The following F13A1 variants were observed in gnomAD, a reference collection of about 807,000 sequenced individuals.
The protein encoded by F13A1 is FSF, A subunit.
F13A1 carries 47 observed loss-of-function variants against 80.1 expected under a neutral mutation model. The ratio of observed to expected loss-of-function variants is 0.59; its 90% CI spans 0.46 to 0.75. The LOEUF (loss-of-function observed/expected upper bound fraction) is 0.75, where lower values mean the gene tolerates loss of function less well. Among genes scored for constraint, F13A1 ranks in the 30% least tolerant of loss-of-function variants. The pLI, the probability that F13A1 is intolerant of heterozygous loss-of-function variation, is 0.00. For synonymous variants in F13A1, 349 were observed against 344.9 expected (o/e 1.01, Z -0.13); for missense variants, 817 against 930.4 (o/e 0.88, Z 1.59).
intron 8 of F13A1, among the ~76,000 whole-genome samples, chr6:6,220,361 G>A (rs966752173): frequency 6.6e-6 from 1 of 152,120 alleles, no homozygotes; most frequent in African/African-American, 2.4e-5. Flanking sequence ...TTTGGAGCAG[G>A]GACCTGAATG....
rs150455213 is a variant in F13A1 at position 6,182,042 on chromosome 6, G to C, written c.1405C>G (p.Gln469Glu). The change falls in exon 11 of 15, where the codon CAA (glutamine) becomes GAA (glutamate). Residue 469 changes from glutamine to glutamate, a missense_variant. Transcript: ENST00000264870. ...THIGKLIVTK[Q>E]IGGDGMMDIT... The stretch of plus-strand genomic sequence containing the variant: ...TCCATCATGCCATCTCCTCCAATTT[G>C]TTTGGTCACAATTAATTTCCCAATG... 12 of 1,614,016 alleles carry C rather than the reference G, an allele frequency of 7.4e-6. No individual in the cohort carries two copies. Among genetic ancestry groups the C allele is most frequent in the African/African-American group, 4.0e-5 (3 of 74,916 alleles).
chr6:6,243,299 A>AT lies in F13A1; in HGVS notation c.798+5012dup, dbSNP rs1165325223. Among the ~76,000 whole-genome samples, 1 of 149,550 alleles carries AT rather than the reference A, an allele frequency of 6.7e-6. No individual in the cohort carries two copies. Among genetic ancestry groups the AT allele is most frequent in the Non-Finnish European group, 1.5e-5 (1 of 67,132 alleles). On this transcript the variant is annotated intron_variant, in intron 6 of 14. Coordinates refer to ENST00000264870, the MANE Select transcript of F13A1 (RefSeq NM_000129.4). The surrounding 1 kb of genome is among the most constrained non-coding windows in gnomAD (Gnocchi z 4.2). ...CCATAATCACCCTACCATCACCACCATTATTATCACAATCACTATCACCAC... is the reference window on the plus strand; with the variant it reads ...CCATAATCACCCTACCATCACCACCATTTATTATCACAATCACTATCACCAC...
rs888131416 is a variant in F13A1 at position 6,162,896 on chromosome 6, G to C, written c.1908+4562C>G. On this transcript the variant is annotated intron_variant, in intron 13 of 14. Transcript: ENST00000264870. The surrounding 1 kb of genome is among the most constrained non-coding windows in gnomAD (Gnocchi z 4.2). Reference sequence around the variant, plus strand: ...CCATGTTCTGACCACTGTGCTACAAGGCACTGCCTTCTCTGGTCCTCTCAG... The same window carrying C: ...CCATGTTCTGACCACTGTGCTACAACGCACTGCCTTCTCTGGTCCTCTCAG... Among the ~76,000 whole-genome samples the C allele has an allele frequency of 1.3e-5, 2 of 152,220 alleles. No individual in the cohort carries two copies. Among genetic ancestry groups the C allele is most frequent in the Non-Finnish European group, 2.9e-5 (2 of 68,044 alleles).
intron 10 of F13A1, among the ~76,000 whole-genome samples, chr6:6,192,287 A>G (rs73720331): frequency 0.025 from 3,828 of 152,210 alleles, 167 homozygotes; most frequent in African/African-American, 0.085. Flanking sequence ...ATTTACATTT[A>G]AAGAATAATT....
At chr6:6,251,891 C>T (rs1459711275) in intron 4 of F13A1, among the ~76,000 whole-genome samples, 3 of 151,998 alleles carry the variant, frequency 2.0e-5, no homozygotes, top group African/African-American at 7.3e-5. Flanking sequence ...ATTGACAAAC[C>T]TAAATATATG....
chr6:6,247,280 A>G (rs2113097093), intron 6 of F13A1, among the ~76,000 whole-genome samples: 1 of 152,354 alleles, frequency 6.6e-6, no homozygotes, highest in Non-Finnish European at 1.5e-5. Flanking sequence ...TTTAGCTCAA[A>G]AGAATATACA....
At chr6:6,159,026 C>T (rs1278273750) in intron 13 of F13A1, among the ~76,000 whole-genome samples, 6 of 151,788 alleles carry the variant, frequency 4.0e-5, no homozygotes, top group African/African-American at 9.7e-5. Flanking sequence ...CTCAGCCTCC[C>T]GAGTAGCAGG....
At chr6:6,244,689 C>G (rs573510367) in intron 6 of F13A1, among the ~76,000 whole-genome samples, 1 of 152,274 alleles carries the variant, frequency 6.6e-6, no homozygotes, top group East Asian at 1.9e-4. Context: ...AAAGAGTATT[C>G]TTGCTGCCAA....
At chr6:6,286,812 G>A (rs1478248004) in intron 3 of F13A1, among the ~76,000 whole-genome samples, 1 of 152,190 alleles carries the variant, frequency 6.6e-6, no homozygotes. Flanking sequence ...GAAGAAAGAG[G>A]GTGAAGAGGG....
At chr6:6,179,311 A>G (rs1430051405) in intron 11 of F13A1, among the ~76,000 whole-genome samples, 1 of 152,250 alleles carries the variant, frequency 6.6e-6, no homozygotes, top group Admixed American at 6.5e-5. Flanking sequence ...AAAGTTATAA[A>G]GTTAATAATA....
intron 13 of F13A1, among the ~76,000 whole-genome samples, chr6:6,158,911 T>TC (rs1760525509): frequency 8.9e-6 from 1 of 112,440 alleles, no homozygotes; most frequent in African/African-American, 3.8e-5. Flanking sequence ...CTTTCTTTTT[T>TC]TTTTTTTCGA....
At chr6:6,176,909 A>G (rs1760891163) in intron 11 of F13A1, among the ~76,000 whole-genome samples, 1 of 152,214 alleles carries the variant, frequency 6.6e-6, no homozygotes, top group African/African-American at 2.4e-5. Context: ...CCATGGGTGC[A>G]GGAACCTGGA....
rs1368324265 is a variant in F13A1, at chr6:6,299,528, C to T, written c.319+5823G>A. 3.0e-5 allele frequency among the ~76,000 whole-genome samples: 4 copies of T among 133,742 alleles called. No individual in the cohort carries two copies. The East Asian group carries it at 6.2e-4, about 21-fold the overall frequency. 87.7% of individuals were successfully genotyped at this position (133,742 alleles called of 152,430 possible). On this transcript the variant is annotated intron_variant, in intron 3 of 14. Coordinates refer to ENST00000264870, the MANE Select transcript of F13A1 (RefSeq NM_000129.4). ...CTTCCATCGCTGATACCCTTTCTTC[C>T]AGTTGATCGCATCGGCTCCTGAGGC...
intron 11 of F13A1, among the ~76,000 whole-genome samples, chr6:6,176,677 G>A (rs772557960): frequency 1.3e-5 from 2 of 152,236 alleles, no homozygotes; most frequent in African/African-American, 2.4e-5. Flanking sequence ...GAGGACAAGG[G>A]AAGTGCAGTG....
chr6:6,259,369 G>A (rs9504739), intron 4 of F13A1, among the ~76,000 whole-genome samples: 19,544 of 152,148 alleles, frequency 0.13, 1,787 homozygotes, highest in African/African-American at 0.26. Context: ...TGAATTTAAT[G>A]ATAAAATACA....
chr6:6,291,015 C>T (rs1228168517), intron 3 of F13A1, among the ~76,000 whole-genome samples: 1 of 152,106 alleles, frequency 6.6e-6, no homozygotes, highest in Non-Finnish European at 1.5e-5. Context: ...AAACAAAATC[C>T]ATAGGAAGAC....
At chr6:6,232,752 ATC>A (rs1757369602) in intron 6 of F13A1, among the ~76,000 whole-genome samples, 2 of 152,118 alleles carry the variant, frequency 1.3e-5, no homozygotes, top group African/African-American at 4.8e-5. Flanking sequence ...ATATCAAGCC[ATC>A]TCTCAGACCA....
chr6:6,176,845 G>A (rs890126217), intron 11 of F13A1, among the ~76,000 whole-genome samples: 45 of 152,208 alleles, frequency 3.0e-4, no homozygotes, highest in Admixed American at 1.6e-3. Flanking sequence ...TGGCCAAGGT[G>A]AGGTGAATGG....
intron 2 of F13A1, among the ~76,000 whole-genome samples, chr6:6,313,914 C>A (rs1167969524): frequency 6.6e-6 from 1 of 151,952 alleles, no homozygotes; most frequent in African/African-American, 2.4e-5. Context: ...CCCCTCTGGT[C>A]TATTCCTCTT....
Sources: gnomAD v4.1 joint callset for allele counts (sites outside exome capture counted in the v4.1 genomes callset) on GRCh38, gnomAD v4.1.1 for gene constraint, Gnocchi (gnomAD v3.1) non-coding constraint, MANE v1.5 for transcripts, NCBI Gene and HGNC (gene_info 2026-07-23, HGNC 2026-07-21) for gene names.